The following SH3RF2 variants were observed in gnomAD, a reference collection of about 807,000 sequenced individuals.
SH3RF2 encodes SH3 domain containing ring finger 2, also known as E3 ubiquitin-protein ligase SH3RF2.
A neutral mutation model predicts 59.0 loss-of-function variants in SH3RF2; 43 were observed. That is an observed-to-expected ratio of 0.73 (90% CI 0.57 to 0.94). The LOEUF (loss-of-function observed/expected upper bound fraction) is 0.94. Among genes scored for constraint, SH3RF2 ranks in the 40% least tolerant of loss-of-function variants. The probability of loss-of-function intolerance (pLI) is 0.00; values close to 1 mark genes in which losing one functional copy is unlikely to be tolerated. For missense variants in SH3RF2, 930 were observed against 940.1 expected, an observed-to-expected ratio of 0.99 and a Z score of 0.14; for synonymous variants, 391 against 391.5, an observed-to-expected ratio of 1.00 and a Z score of 0.01.
chr5:146,077,346 A>G (rs1763358637), intron 9 of SH3RF2, among the ~76,000 whole-genome samples: 1 of 152,204 alleles, frequency 6.6e-6, no homozygotes, highest in Non-Finnish European at 1.5e-5. Context: ...TTGGTCATCA[A>G]AATACAATAT....
intron 5 of SH3RF2, among the ~76,000 whole-genome samples, chr5:146,037,215 A>G (rs1761966399): frequency 6.6e-6 from 1 of 152,234 alleles, no homozygotes; most frequent in Admixed American, 6.5e-5. Context: ...CTCATGAGGT[A>G]GCCACTATTC....
chr5:145,962,888 CTTTTTT>C (rs1168517787), intron 2 of SH3RF2, among the ~76,000 whole-genome samples: 1 of 104,548 alleles, frequency 9.6e-6, no homozygotes, highest in Non-Finnish European at 1.8e-5. Context: ...TATTATTCCA[CTTTTTT>C]TTTTTTTTTT....
intron 5 of SH3RF2, among the ~76,000 whole-genome samples, chr5:146,040,004 T>A (rs1221720702): frequency 1.3e-5 from 2 of 152,344 alleles, no homozygotes; most frequent in South Asian, 2.1e-4. Context: ...AGTCCATTCA[T>A]ACAATGTTCA....
chr5:145,945,218 T>A (rs1321665674), intron 2 of SH3RF2, among the ~76,000 whole-genome samples: 1 of 152,038 alleles, frequency 6.6e-6, no homozygotes, highest in Non-Finnish European at 1.5e-5. Context: ...AATGTTAAGA[T>A]GTGAAAAAAG....
intron 5 of SH3RF2, among the ~76,000 whole-genome samples, chr5:146,030,438 A>G (rs956432692): frequency 2.0e-5 from 3 of 152,204 alleles, no homozygotes; most frequent in Non-Finnish European, 4.4e-5. Flanking sequence ...CGTTTCAAGG[A>G]GGCAGGACAC....
chr5:146,010,053 A>G (rs929589418), intron 4 of SH3RF2, among the ~76,000 whole-genome samples: 1 of 133,548 alleles, frequency 7.5e-6, no homozygotes, highest in African/African-American at 2.8e-5. Flanking sequence ...GACAGGCCCC[A>G]GTGTGTGATG....
chr5:146,056,748 CAT>C (rs890625254), intron 8 of SH3RF2, among the ~76,000 whole-genome samples: 11 of 152,240 alleles, frequency 7.2e-5, no homozygotes, highest in Non-Finnish European at 1.5e-4. Flanking sequence ...AAATCTCCCT[CAT>C]ATCCTTAACC....
intron 6 of SH3RF2, among the ~76,000 whole-genome samples, chr5:146,048,277 T>C (rs1166577239): frequency 1.3e-5 from 2 of 151,254 alleles, no homozygotes; most frequent in Non-Finnish European, 2.9e-5. Flanking sequence ...ATCATCCCAC[T>C]GCTCTCCAGC....
At chr5:146,013,622 T>G in intron 4 of SH3RF2, 125 bp from the exon 5 acceptor site, 2 of 925,430 alleles carry the variant, frequency 2.2e-6, no homozygotes, top group Non-Finnish European at 3.3e-6. Context: ...CACCAAGGAA[T>G]GAGCATCTGA....
In SH3RF2 at chr5:145,938,271, C is replaced by T. The variant is rs199803333; in HGVS notation, c.343C>T (p.Arg115Trp). ...NPRRLQASPF[R>W]LVPNVRIHMD... ...CAGACGTCTGCAGGCCAGTCCTTTC[C>T]GGCTAGTGCCTAATGTCAGAATCCA... Residue 115 changes from arginine (R) to tryptophan (W), a missense_variant, in exon 2 of 10, where the codon CGG becomes TGG. Coordinates refer to ENST00000359120, the MANE Select transcript of SH3RF2 (RefSeq NM_152550.4). The T allele has an allele frequency of 2.4e-5, 38 of 1,583,796 alleles. No individual in the cohort carries two copies. In the South Asian group the frequency reaches 3.5e-4, roughly 15 times the overall value.
At chr5:146,012,339 C>G (rs1219514844) in intron 4 of SH3RF2, among the ~76,000 whole-genome samples, 1 of 152,152 alleles carries the variant, frequency 6.6e-6, no homozygotes, top group Non-Finnish European at 1.5e-5. Flanking sequence ...TTTGTTGTGT[C>G]TCTGCCAGGC....
chr5:145,987,905 C>A lies in SH3RF2; in HGVS notation c.379-12153C>A, dbSNP rs185549451. Among the ~76,000 whole-genome samples the A allele has an allele frequency of 2.7e-3, 412 of 152,282 alleles. 1 individual carries two copies. Among genetic ancestry groups the A allele is most frequent in the Non-Finnish European group, 3.8e-3 (261 of 68,018 alleles). The stretch of plus-strand genomic sequence containing the variant: ...ATTCTACATTGTTTATCACATTAAT[C>A]GTCTCCAAAACCATGAGGAAGTGTG... On this transcript the variant is annotated intron_variant, in intron 2 of 9. Transcript: ENST00000359120.
chr5:145,944,551 T>C (rs1368776918), intron 2 of SH3RF2, among the ~76,000 whole-genome samples: 1 of 152,144 alleles, frequency 6.6e-6, no homozygotes, highest in Non-Finnish European at 1.5e-5. Flanking sequence ...GCTTGTACTT[T>C]AGACCAGCCT....
rs1762834484 is a variant in SH3RF2, at chr5:146,060,144, G to A, written c.1834G>A (p.Glu612Lys). ...MEDKEIPIKS[E>K]PLPKPPASAP... ...AGACAAAGAAATCCCCATCAAGAGTGAGCCTCTGCCAAAACCGCCCGCATC... is the reference window on the plus strand; with the variant it reads ...AGACAAAGAAATCCCCATCAAGAGTAAGCCTCTGCCAAAACCGCCCGCATC... Residue 612 changes from glutamate to lysine, a missense_variant, in exon 9 of 10, where the codon GAG (glutamate) becomes AAG (lysine). Physicochemically the swap from Glu to Lys is moderately conservative, Grantham distance 56. Transcript: ENST00000359120. The A allele has an allele frequency of 6.2e-7, 1 of 1,614,170 alleles. No individual in the cohort carries two copies.
intron 9 of SH3RF2, among the ~76,000 whole-genome samples, chr5:146,060,938 T>C (rs1762866124): frequency 6.6e-6 from 1 of 152,164 alleles, no homozygotes; most frequent in Non-Finnish European, 1.5e-5. Flanking sequence ...GAGAGGACAG[T>C]AAGAAAGTTA....
At chr5:145,970,637 T>C (rs1759044043) in intron 2 of SH3RF2, among the ~76,000 whole-genome samples, 1 of 152,194 alleles carries the variant, frequency 6.6e-6, no homozygotes, top group African/African-American at 2.4e-5. Flanking sequence ...TAACATTGTA[T>C]TTCCTACCCT....
intron 2 of SH3RF2, among the ~76,000 whole-genome samples, chr5:145,950,985 C>A (rs554929791): frequency 4.6e-5 from 7 of 152,194 alleles, no homozygotes; most frequent in Non-Finnish European, 1.0e-4. Context: ...GTTTCAAATT[C>A]TCTGAGTCTC....
chr5:146,040,571 G>A (rs1202078537), intron 5 of SH3RF2, among the ~76,000 whole-genome samples: 3 of 152,096 alleles, frequency 2.0e-5, no homozygotes, highest in African/African-American at 4.8e-5. Context: ...TGACTACTTG[G>A]GAACTGTAAA....
intron 5 of SH3RF2, among the ~76,000 whole-genome samples, chr5:146,034,194 T>A (rs1761844793): frequency 6.6e-6 from 1 of 152,216 alleles, no homozygotes; most frequent in African/African-American, 2.4e-5. Flanking sequence ...TCTGAAGGGT[T>A]TTATTCTCCC....
Sources: gnomAD v4.1 joint callset for allele counts (sites outside exome capture counted in the v4.1 genomes callset) on GRCh38, gnomAD v4.1.1 for gene constraint, MANE v1.5 for transcripts, NCBI Gene and HGNC (gene_info 2026-07-23, HGNC 2026-07-21) for gene names.